PAFAH1B1: variants seen among roughly 807,000 people sequenced by gnomAD.
PAFAH1B1 encodes platelet activating factor acetylhydrolase 1b regulatory subunit 1, also known as platelet-activating factor acetylhydrolase IB subunit beta.
A neutral mutation model predicts 57.5 loss-of-function variants in PAFAH1B1; 2 were observed. That is an observed-to-expected ratio of 0.03 (90% CI 0.01 to 0.11). The LOEUF (loss-of-function observed/expected upper bound fraction) is 0.11. Among genes scored for constraint, PAFAH1B1 ranks in the 10% least tolerant of loss-of-function variants. PAFAH1B1 has a pLI of 1.00. For missense variants in PAFAH1B1, 257 were observed against 512.0 expected (o/e 0.50, Z 4.81); for synonymous variants, 152 against 169.6 (o/e 0.90, Z 0.81).
At chr17:2,680,362 G>A in intron 10 of PAFAH1B1, 42 bp downstream of exon 10, 2 of 1,572,154 alleles carry the variant, frequency 1.3e-6, no homozygotes, top group South Asian at 1.1e-5. Flanking sequence ...AGATTTTGGA[G>A]TGCCAGACAA....
intron 2 of PAFAH1B1, 42 bp from the exon 3 acceptor site, chr17:2,665,330 A>G: frequency 9.5e-7 from 1 of 1,048,572 alleles, no homozygotes; most frequent in Non-Finnish European, 1.5e-6. Flanking sequence ...CAGAATAGAA[A>G]TGAGGTCTTT....
At chr17:2,642,107 C>G (rs1047382953) in intron 2 of PAFAH1B1, 1 of 152,194 alleles carries the variant, frequency 6.6e-6, no homozygotes, top group Non-Finnish European at 1.5e-5. Flanking sequence ...AGTGATGCTT[C>G]TAATTCTGGT....
chr17:2,600,356 G>A (rs2068127320), intron 1 of PAFAH1B1, among the ~76,000 whole-genome samples: 1 of 151,984 alleles, frequency 6.6e-6, no homozygotes, highest in Non-Finnish European at 1.5e-5. Flanking sequence ...GGCAGAAGGT[G>A]ATCAGGAGTT....
Position 2,681,992 on chromosome 17 carries a change from T to C in PAFAH1B1, c.*190T>C. On this transcript the variant is annotated 3_prime_UTR_variant, in exon 11 of 11. Transcript: ENST00000397195. ...GTGAATCCAAATTGTATACTGTAAA[T>C]TTACATACGTTGTCTAGAAGTACCA... 1.8e-6 allele frequency: 1 copy of C among 561,728 alleles called. No individual in the cohort carries two copies. Among genetic ancestry groups the C allele is most frequent in the Non-Finnish European group, 3.2e-6 (1 of 316,586 alleles). 34.8% of individuals were successfully genotyped at this position (561,728 alleles called of 1,614,324 possible).
chr17:2,639,505 G>C (rs1385296759), intron 2 of PAFAH1B1: 1 of 152,100 alleles, frequency 6.6e-6, no homozygotes, highest in Non-Finnish European at 1.5e-5. Flanking sequence ...CATTTTTATA[G>C]GTGAAGAACA....
intron 1 of PAFAH1B1, among the ~76,000 whole-genome samples, chr17:2,606,429 T>C (rs2068204857): frequency 1.3e-5 from 2 of 151,982 alleles, no homozygotes; most frequent in South Asian, 4.2e-4. Flanking sequence ...GCAATGACGC[T>C]ATCTTAGCTC....
At chr17:2,594,299 C>T (rs891103138) in intron 1 of PAFAH1B1, among the ~76,000 whole-genome samples, 5 of 152,232 alleles carry the variant, frequency 3.3e-5, no homozygotes, top group Non-Finnish European at 7.3e-5. Context: ...GCCTCTGCGA[C>T]CCCCGCCCCG....
At chr17:2,680,530 C>T (rs1442748248) in intron 10 of PAFAH1B1, among the ~76,000 whole-genome samples, 1 of 152,210 alleles carries the variant, frequency 6.6e-6, no homozygotes, top group East Asian at 1.9e-4. Context: ...ATAATAAAAA[C>T]ATTACTTTCT....
chr17:2,659,853 C>T (rs1381094040), intron 2 of PAFAH1B1, among the ~76,000 whole-genome samples: 1 of 152,050 alleles, frequency 6.6e-6, no homozygotes, highest in African/African-American at 2.4e-5. Flanking sequence ...ATTAGGAAGC[C>T]TTGTTACCTG....
At chr17:2,608,895 T>A (rs1271776494) in intron 1 of PAFAH1B1, among the ~76,000 whole-genome samples, 1 of 152,258 alleles carries the variant, frequency 6.6e-6, no homozygotes, top group East Asian at 1.9e-4. Context: ...GCATCAATTT[T>A]AGACCATAAT....
At chr17:2,631,473 A>G (rs1365697098) in intron 1 of PAFAH1B1, among the ~76,000 whole-genome samples, 1 of 151,604 alleles carries the variant, frequency 6.6e-6, no homozygotes, top group Non-Finnish European at 1.5e-5. Context: ...TTCTCTGTCC[A>G]CCCTCCCTGT....
At chr17:2,634,904 C>A (rs2068602017) in intron 1 of PAFAH1B1, among the ~76,000 whole-genome samples, 1 of 152,208 alleles carries the variant, frequency 6.6e-6, no homozygotes, top group Admixed American at 6.6e-5. Context: ...TGGCTCAAGC[C>A]TGTAATCCGA....
At chr17:2,626,321 C>G (rs962100366) in intron 1 of PAFAH1B1, among the ~76,000 whole-genome samples, 3 of 151,796 alleles carry the variant, frequency 2.0e-5, no homozygotes, top group Non-Finnish European at 4.4e-5. Flanking sequence ...TAAAAGGCAA[C>G]TGGAAAGGTA....
At chr17:2,648,751 T>C (rs2068808053) in intron 2 of PAFAH1B1, among the ~76,000 whole-genome samples, 1 of 140,414 alleles carries the variant, frequency 7.1e-6, no homozygotes, top group African/African-American at 2.6e-5. Context: ...TAATACCCAT[T>C]CCTGATGGTT....
chr17:2,614,748 T>A (rs1460133486), intron 1 of PAFAH1B1, among the ~76,000 whole-genome samples: 1 of 152,052 alleles, frequency 6.6e-6, no homozygotes, highest in South Asian at 2.1e-4. Flanking sequence ...CTAGATTTTA[T>A]AATTTTTTCT....
At chr17:2,625,270 G>T (rs2068474918) in intron 1 of PAFAH1B1, among the ~76,000 whole-genome samples, 1 of 152,130 alleles carries the variant, frequency 6.6e-6, no homozygotes, top group South Asian at 2.1e-4. Context: ...GAAAAAATCA[G>T]ACTCTTTGAA....
At chr17:2,677,966 A>G (rs8082331) in intron 9 of PAFAH1B1, among the ~76,000 whole-genome samples, 6,823 of 152,060 alleles carry the variant, frequency 0.045, 234 homozygotes, top group East Asian at 0.17. Flanking sequence ...ATATAATTAA[A>G]ATAAAGCAGG....
In PAFAH1B1 at chr17:2,685,428, T is replaced by TA. The variant is rs869157975; in HGVS notation, c.*3628dup. ...TGAGGAAAACAGTTCCCCAGATTGT[T>TA]AAGAGTTCACTGAAGATATTGACAC... On this transcript the variant is annotated 3_prime_UTR_variant, in exon 11 of 11. Coordinates refer to ENST00000397195, the MANE Select transcript of PAFAH1B1 (RefSeq NM_000430.4). The TA allele has an allele frequency of 6.6e-6, 1 of 152,366 alleles. No homozygotes were observed. Among genetic ancestry groups the TA allele is most frequent in the African/African-American group, 2.4e-5 (1 of 41,382 alleles). The allele number at this position is 152,366 out of a possible 1,614,324, so 9.4% of individuals were successfully genotyped here.
intron 2 of PAFAH1B1, chr17:2,641,787 G>A (rs1352404892): frequency 6.6e-6 from 1 of 152,128 alleles, no homozygotes; most frequent in East Asian, 1.9e-4. Context: ...TTACTGGGAT[G>A]TCTTTGTTTC....
Sources: allele counts gnomAD v4.1 joint callset (sites outside exome capture counted in the v4.1 genomes callset), GRCh38; gene constraint gnomAD v4.1.1; transcripts MANE v1.5; gene names NCBI Gene and HGNC (gene_info 2026-07-23, HGNC 2026-07-21).